The following TMTC1 variants were observed in gnomAD, a reference collection of about 807,000 sequenced individuals.
TMTC1 encodes transmembrane O-mannosyltransferase targeting cadherins 1.
TMTC1 carries 73 observed loss-of-function variants against 104.8 expected under a neutral mutation model. The observed-to-expected ratio is 0.70, with a 90% CI of 0.58 to 0.85. The LOEUF (loss-of-function observed/expected upper bound fraction) is 0.85. TMTC1 is among the 40% of genes least tolerant of loss of function. The probability of loss-of-function intolerance (pLI) is 0.00; values close to 1 mark genes in which losing one functional copy is unlikely to be tolerated. For missense variants in TMTC1, 1,035 were observed against 1,096.1 expected (o/e 0.94, Z 0.79); for synonymous variants, 434 against 428.7 (o/e 1.01, Z -0.15).
intron 5 of TMTC1, among the ~76,000 whole-genome samples, chr12:29,673,943 G>C (rs12317411): frequency 1.3e-5 from 2 of 151,754 alleles, no homozygotes; most frequent in Non-Finnish European, 2.9e-5. Flanking sequence ...ATTTCTAGTA[G>C]AGACAGGGTT....
At chr12:29,646,287 T>C (rs969434413) in intron 5 of TMTC1, among the ~76,000 whole-genome samples, 2 of 152,198 alleles carry the variant, frequency 1.3e-5, no homozygotes, top group Non-Finnish European at 2.9e-5. Context: ...ATTGCACTGC[T>C]GAAAATGTTT....
At position 29,669,160 on chromosome 12, in the gene TMTC1, G is replaced by C. The variant is rs542503695; in HGVS notation, c.939-35824C>G. Among the ~76,000 whole-genome samples, 17 of 152,238 alleles carry C rather than the reference G, an allele frequency of 1.1e-4. No homozygotes were observed. The South Asian group carries it at 3.3e-3, about 30-fold the overall frequency. On this transcript the variant is annotated intron_variant, in intron 5 of 17. Transcript: ENST00000539277. Reference sequence around the variant, plus strand: ...CCTGAGGAAGATGAGAAGTGAATTAGGTGCAAAGAGATAGAATATGATATA... The same window carrying C: ...CCTGAGGAAGATGAGAAGTGAATTACGTGCAAAGAGATAGAATATGATATA...
Position 29,688,488 on chromosome 12 carries a change from G to A in TMTC1, c.939-55152C>T, listed in dbSNP as rs146275196. On this transcript the variant is annotated intron_variant, in intron 5 of 17. Transcript: ENST00000539277. Reference sequence around the variant, plus strand: ...TGCAATATGTCAATCCCCTAATGCTGTCTCTGCCACCATGGGGCATCACTG... The same window carrying A: ...TGCAATATGTCAATCCCCTAATGCTATCTCTGCCACCATGGGGCATCACTG... Among the ~76,000 whole-genome samples, 142 of 152,230 alleles carry A rather than the reference G, an allele frequency of 9.3e-4. No individual in the cohort carries two copies. The Middle Eastern group carries it at 0.017, about 18-fold the overall frequency.
At chr12:29,670,357 T>C (rs1020132513) in intron 5 of TMTC1, among the ~76,000 whole-genome samples, 1 of 152,174 alleles carries the variant, frequency 6.6e-6, no homozygotes, top group Admixed American at 6.5e-5. Context: ...CTAATGCCTG[T>C]AATCCTTAGC....
At chr12:29,659,567 A>T (rs145806666) in intron 5 of TMTC1, among the ~76,000 whole-genome samples, 7 of 152,324 alleles carry the variant, frequency 4.6e-5, no homozygotes, top group Admixed American at 2.0e-4. Flanking sequence ...AGCCATCAGA[A>T]TAGTAGGCCA....
chr12:29,770,294 T>C (rs1943566565), intron 1 of TMTC1, among the ~76,000 whole-genome samples: 1 of 152,138 alleles, frequency 6.6e-6, no homozygotes, highest in Admixed American at 6.5e-5. Context: ...AAAAACAGTA[T>C]AAAATGGTAG....
chr12:29,764,663 C>T (rs1485388825), intron 2 of TMTC1, among the ~76,000 whole-genome samples: 22 of 152,114 alleles, frequency 1.4e-4, no homozygotes, highest in Non-Finnish European at 7.3e-5. Context: ...GTTTTGTAGG[C>T]TAAATTTCTC....
intron 10 of TMTC1, among the ~76,000 whole-genome samples, chr12:29,544,920 A>T (rs78930118): frequency 0.015 from 2,281 of 152,256 alleles, 60 homozygotes; most frequent in African/African-American, 0.052. Flanking sequence ...GATGTGTTAG[A>T]TGCTTCATCT....
chr12:29,658,740 C>G (rs1046920222), intron 5 of TMTC1: 3 of 208,034 alleles, frequency 1.4e-5, no homozygotes, highest in African/African-American at 7.0e-5. Flanking sequence ...TCCATGTTTT[C>G]TAAAAGTCTT....
At chr12:29,659,277 G>A (rs1248954200) in intron 5 of TMTC1, among the ~76,000 whole-genome samples, 2 of 152,142 alleles carry the variant, frequency 1.3e-5, no homozygotes, top group African/African-American at 2.4e-5. Flanking sequence ...ATCTCATATC[G>A]AAATGTAATC....
intron 17 of TMTC1, 129 bp downstream of exon 17, chr12:29,511,914 A>C: frequency 2.2e-6 from 2 of 929,638 alleles, no homozygotes; most frequent in Non-Finnish European, 1.8e-6. Context: ...TTAAACTGCC[A>C]TACTTTTGAT....
chr12:29,617,538 G>GAGAGAGAGAGAA (rs776484139), intron 6 of TMTC1, among the ~76,000 whole-genome samples: 2 of 115,452 alleles, frequency 1.7e-5, no homozygotes, highest in African/African-American at 1.4e-4. Context: ...ACAGACAACA[G>GAGAGAGAGAGAA]AGAGAGAGAG....
intron 7 of TMTC1, among the ~76,000 whole-genome samples, chr12:29,585,504 A>G (rs899184722): frequency 6.6e-6 from 1 of 152,150 alleles, no homozygotes; most frequent in African/African-American, 2.4e-5. Context: ...TTTAGACATG[A>G]AGTCCTTGCC....
In TMTC1 at chr12:29,520,813, T is replaced by A. The variant is rs867227659; in HGVS notation, c.1786-93A>T. 47 of 922,362 alleles carry A rather than the reference T, an allele frequency of 5.1e-5. No individual in the cohort carries two copies. The South Asian group carries it at 5.5e-4, about 11-fold the overall frequency. The allele number at this position is 922,362 out of a possible 1,614,324, so 57.1% of individuals were successfully genotyped here. A position where few individuals can be genotyped will look rare whatever the true frequency, so the allele number is the denominator to read the frequency against. The stretch of plus-strand genomic sequence containing the variant: ...AGGAGCAGGAAAAGCAAAAAAAAAA[T>A]AAATCTTACTAAGCACCTAATATAC... On this transcript the variant is annotated intron_variant, in intron 11 of 17. Coordinates refer to ENST00000539277, the MANE Select transcript of TMTC1 (RefSeq NM_001193451.2).
chr12:29,606,829 C>T (rs1946711500), intron 6 of TMTC1, among the ~76,000 whole-genome samples: 1 of 152,150 alleles, frequency 6.6e-6, no homozygotes, highest in African/African-American at 2.4e-5. Flanking sequence ...TCTTACCCTT[C>T]CAACGCACCT....
chr12:29,758,653 A>G, intron 3 of TMTC1, 51 bp downstream of exon 3: 1 of 1,555,688 alleles, frequency 6.4e-7, no homozygotes, highest in Non-Finnish European at 8.8e-7. Flanking sequence ...CCCAGTCTAC[A>G]CACACGGCAC....
At chr12:29,732,259 C>A (rs1203861532) in intron 5 of TMTC1, among the ~76,000 whole-genome samples, 4 of 152,064 alleles carry the variant, frequency 2.6e-5, no homozygotes, top group African/African-American at 7.2e-5. Context: ...AAAGGACTGA[C>A]TTTACACAGG....
chr12:29,766,180 A>C (rs1943460002), intron 2 of TMTC1, among the ~76,000 whole-genome samples: 1 of 152,164 alleles, frequency 6.6e-6, no homozygotes, highest in African/African-American at 2.4e-5. Context: ...TCACAGTGTA[A>C]TTTTTTTATA....
Position 29,661,390 on chromosome 12 carries a change from A to T in TMTC1, c.939-28054T>A, listed in dbSNP as rs1458212833. ...ACAGATCTCTTACCTCTAAAAATAG[A>T]AGATGCCAAGGTTGTAGGAGGTTAA... On this transcript the variant is annotated intron_variant, in intron 5 of 17. Transcript: ENST00000539277. 10 of 951,332 alleles carry T rather than the reference A, an allele frequency of 1.1e-5. No individual in the cohort carries two copies. In the East Asian group the frequency reaches 1.2e-3, roughly 111 times the overall value. The allele number at this position is 951,332 out of a possible 1,614,324, so 58.9% of individuals were successfully genotyped here.
Sources: gnomAD v4.1 joint callset for allele counts (sites outside exome capture counted in the v4.1 genomes callset) on GRCh38, gnomAD v4.1.1 for gene constraint, MANE v1.5 for transcripts, NCBI Gene and HGNC (gene_info 2026-07-23, HGNC 2026-07-21) for gene names.